Variants in CUBN observed in about 807,000 individuals in gnomAD.
CUBN encodes 460 kDa receptor.
A neutral mutation model predicts 405.3 loss-of-function variants in CUBN; 282 were observed. The observed-to-expected ratio is 0.70, with a 90% CI of 0.63 to 0.77. The LOEUF is 0.77. Among genes scored for constraint, CUBN ranks in the 30% least tolerant of loss-of-function variants. CUBN has a pLI of 0.00. For missense variants in CUBN, 4,514 were observed against 4,475.2 expected (o/e 1.01, Z -0.25); for synonymous variants, 1,684 against 1,617.0 (o/e 1.04, Z -0.99).
At chr10:16,865,871 G>A (rs1840169722) in intron 59 of CUBN, among the ~76,000 whole-genome samples, 1 of 152,100 alleles carries the variant, frequency 6.6e-6, no homozygotes, top group South Asian at 2.1e-4. Context: ...TTGGGTCCAT[G>A]CCAATTTTAA....
intron 36 of CUBN, among the ~76,000 whole-genome samples, chr10:16,945,389 A>G (rs1357362281): frequency 6.6e-6 from 1 of 152,174 alleles, no homozygotes; most frequent in Non-Finnish European, 1.5e-5. Context: ...ATATCTGTTG[A>G]GTGAAAGAAT....
At chr10:17,047,915 C>T (rs1835176367) in intron 22 of CUBN, among the ~76,000 whole-genome samples, 1 of 152,166 alleles carries the variant, frequency 6.6e-6, no homozygotes, top group South Asian at 2.1e-4. Flanking sequence ...AATTAGGATC[C>T]ACTGCAGGAG....
intron 59 of CUBN, among the ~76,000 whole-genome samples, chr10:16,855,689 C>T (rs923742984): frequency 3.3e-5 from 5 of 152,166 alleles, no homozygotes; most frequent in Non-Finnish European, 5.9e-5. Flanking sequence ...CAGACTAATA[C>T]ACACAACTAA....
chr10:17,109,808 A>C (rs1836728450), intron 9 of CUBN, 73 bp from the exon 10 acceptor site: 1 of 1,126,358 alleles, frequency 8.9e-7, no homozygotes, highest in Admixed American at 1.7e-5. Flanking sequence ...TCTAGGATTC[A>C]AATATCATGA....
chr10:17,125,337 A>C (rs1837154725), intron 4 of CUBN, among the ~76,000 whole-genome samples: 1 of 152,184 alleles, frequency 6.6e-6, no homozygotes, highest in Non-Finnish European at 1.5e-5. Context: ...ATGAAATAGA[A>C]AGCCAGAGGA....
chr10:17,068,478 T>C (rs1459918921), intron 20 of CUBN, 127 bp downstream of exon 20: 9 of 935,188 alleles, frequency 9.6e-6, no homozygotes, highest in South Asian at 3.1e-5. Context: ...AAATATACAT[T>C]CTTTGTCTTT....
chr10:16,952,511 A>C (rs1842949309), intron 32 of CUBN, 122 bp from the exon 33 acceptor site: 1 of 704,882 alleles, frequency 1.4e-6, no homozygotes, highest in Middle Eastern at 2.4e-4. Context: ...AATGCACGCC[A>C]AGAAAGTTCT....
In CUBN at chr10:17,071,548, C is replaced by T. The variant is rs371312044; in HGVS notation, c.2503G>A (p.Val835Met). Residue 835 changes from valine (V) to methionine (M), a missense_variant, in exon 19 of 67, where the codon GTG becomes ATG. This residue lies in a region of CUBN where 1,448 missense variants were observed against 1,388.0 expected (regional missense o/e 1.04). Coordinates refer to ENST00000377833, the MANE Select transcript of CUBN (RefSeq NM_001081.4). The stretch of plus-strand genomic sequence containing the variant: ...CTACAGGTTCTTTCTCCAGGATACA[C>T]GTTAGGAAAAAAAGGCGAGCGAATG... ...GVIRSPFFPN[V>M]YPGERTCRWT... The T allele has an allele frequency of 4.2e-5, 68 of 1,613,684 alleles. 1 individual carries two copies. The highest frequency in any genetic ancestry group is 2.7e-4 in the South Asian group (25 of 91,070).
intron 54 of CUBN, among the ~76,000 whole-genome samples, chr10:16,898,497 C>A (rs932599842): frequency 6.6e-6 from 1 of 152,006 alleles, no homozygotes; most frequent in Non-Finnish European, 1.5e-5. Flanking sequence ...TTGGAAGATG[C>A]AAAACAGTAC....
intron 14 of CUBN, among the ~76,000 whole-genome samples, chr10:17,088,994 C>T (rs956064722): frequency 2.8e-4 from 42 of 152,156 alleles, no homozygotes; most frequent in African/African-American, 9.4e-4. Flanking sequence ...ACCTGCTCTT[C>T]ATTAATACCC....
chr10:17,038,270 G>A (rs558477941), intron 27 of CUBN, among the ~76,000 whole-genome samples: 1 of 152,154 alleles, frequency 6.6e-6, no homozygotes, highest in Admixed American at 6.5e-5. Context: ...TTTCTGCATG[G>A]AGACTCAGAC....
rs754731251 is a variant in CUBN at position 16,825,100 on chromosome 10, A to C, written c.10765-18T>G. ...CTGGTGTCCTAAAATTGAAAAAAAAAGTATCCAATTATATATTTCACATAT... is the reference window on the plus strand; with the variant it reads ...CTGGTGTCCTAAAATTGAAAAAAAACGTATCCAATTATATATTTCACATAT... On this transcript the variant is annotated intron_variant, in intron 66 of 66. Transcript: ENST00000377833. The C allele has an allele frequency of 1.9e-5, 29 of 1,549,798 alleles. No homozygotes were observed. Among genetic ancestry groups the C allele is most frequent in the Non-Finnish European group, 2.4e-5 (27 of 1,123,388 alleles).
intron 33 of CUBN, among the ~76,000 whole-genome samples, chr10:16,951,412 T>C (rs1842918145): frequency 6.6e-6 from 1 of 152,252 alleles, no homozygotes; most frequent in African/African-American, 2.4e-5. Flanking sequence ...CTGATTAGCT[T>C]AAGTGACTTC....
chr10:16,913,054 C>T (rs1490885270), intron 48 of CUBN, among the ~76,000 whole-genome samples: 1 of 152,002 alleles, frequency 6.6e-6, no homozygotes, highest in Non-Finnish European at 1.5e-5. Context: ...TAAAGATACA[C>T]CCAATGGGAC....
intron 9 of CUBN, among the ~76,000 whole-genome samples, chr10:17,110,495 G>C (rs1196762424): frequency 6.6e-6 from 1 of 152,078 alleles, no homozygotes; most frequent in African/African-American, 2.4e-5. Context: ...AAAACTTTCT[G>C]TACTATTTCC....
intron 27 of CUBN, among the ~76,000 whole-genome samples, chr10:17,026,641 A>T (rs1200549125): frequency 6.7e-6 from 1 of 148,692 alleles, no homozygotes. Flanking sequence ...CAAAAAAAAA[A>T]ATAAATAAAT....
At chr10:17,127,111 C>G (rs1837210793) in intron 3 of CUBN, among the ~76,000 whole-genome samples, 1 of 152,070 alleles carries the variant, frequency 6.6e-6, no homozygotes, top group Admixed American at 6.6e-5. Context: ...GCATCCACTT[C>G]CCCAATAAGA....
In CUBN at chr10:17,119,301, A is replaced by C. The variant is rs141296166; in HGVS notation, c.593+3494T>G. On this transcript the variant is annotated intron_variant, in intron 6 of 66. Transcript: ENST00000377833. ...GGAAAGCCTTCTAGATCTGAGCCCT[A>C]AATGTACAACACACACCATCCATGC... 5.4e-3 allele frequency among the ~76,000 whole-genome samples: 825 copies of C among 152,328 alleles called. 11 individuals are homozygous for C. Among genetic ancestry groups the C allele is most frequent in the African/African-American group, 0.019 (796 of 41,584 alleles).
At chr10:17,099,051 C>T (rs983202596) in intron 14 of CUBN, among the ~76,000 whole-genome samples, 9 of 152,102 alleles carry the variant, frequency 5.9e-5, no homozygotes, top group African/African-American at 1.7e-4. Flanking sequence ...GATTCAAAAA[C>T]TTATATGGAA....
Sources: gnomAD v4.1 joint callset for allele counts (sites outside exome capture counted in the v4.1 genomes callset) on GRCh38, gnomAD v4.1.1 for gene constraint, gnomAD v4.1.1 regional missense constraint, MANE v1.5 for transcripts, NCBI Gene and HGNC (gene_info 2026-07-23, HGNC 2026-07-21) for gene names.